TBCK: variants seen among roughly 807,000 people sequenced by gnomAD.
TBCK encodes TBC1 domain containing kinase.
In TBCK, 99 loss-of-function variants were observed where a neutral mutation model predicts 113.4. The observed-to-expected ratio is 0.87, with a 90% CI of 0.74 to 1.03. The LOEUF is 1.03. Ranked by LOEUF, TBCK falls within the 50% of genes least tolerant of loss-of-function variation. TBCK has a pLI of 0.00. For synonymous variants in TBCK, 369 were observed against 370.8 expected (o/e 1.00, Z 0.05); for missense variants, 1,045 against 1,061.3 (o/e 0.98, Z 0.21).
chr4:106,097,011 ATAAG>A (rs1483183245), intron 24 of TBCK, among the ~76,000 whole-genome samples: 1 of 152,192 alleles, frequency 6.6e-6, no homozygotes, highest in Non-Finnish European at 1.5e-5. Context: ...ATAATCATAG[ATAAG>A]TATTAAGGTG....
intron 3 of TBCK, among the ~76,000 whole-genome samples, chr4:106,267,162 A>G (rs1270135041): frequency 2.0e-5 from 3 of 151,938 alleles, no homozygotes. Flanking sequence ...TTTTTCAGTA[A>G]TTATTGTTAC....
chr4:106,223,871 G>A (rs1453434466), intron 19 of TBCK, among the ~76,000 whole-genome samples: 1 of 152,058 alleles, frequency 6.6e-6, no homozygotes, highest in Non-Finnish European at 1.5e-5. Flanking sequence ...CTAATCAACA[G>A]ATTTCTTTCT....
chr4:106,060,612 T>C (rs534124599), intron 25 of TBCK, among the ~76,000 whole-genome samples: 1 of 151,976 alleles, frequency 6.6e-6, no homozygotes, highest in South Asian at 2.1e-4. Context: ...TACAAAGAGA[T>C]GAATGTTGTC....
At chr4:106,219,459 T>C (rs560434022) in intron 19 of TBCK, among the ~76,000 whole-genome samples, 4 of 151,582 alleles carry the variant, frequency 2.6e-5, no homozygotes, top group African/African-American at 9.7e-5. Flanking sequence ...AATCAGAAAG[T>C]AGAGATACGG....
intron 19 of TBCK, among the ~76,000 whole-genome samples, chr4:106,220,395 C>G (rs574605836): frequency 6.6e-6 from 1 of 152,128 alleles, no homozygotes; most frequent in Non-Finnish European, 1.5e-5. Flanking sequence ...AATGTAAGTC[C>G]AATTAAACCT....
intron 12 of TBCK, among the ~76,000 whole-genome samples, chr4:106,237,899 TG>T (rs1759653119): frequency 6.6e-6 from 1 of 152,138 alleles, no homozygotes; most frequent in Admixed American, 6.6e-5. Flanking sequence ...TTAAGTATCT[TG>T]TCTGTCTTTT....
chr4:106,273,149 A>T (rs1049146691), intron 3 of TBCK, among the ~76,000 whole-genome samples: 3 of 152,248 alleles, frequency 2.0e-5, no homozygotes, highest in Admixed American at 2.0e-4. Context: ...ATGAAAATTC[A>T]ACCCTTGGCT....
intron 25 of TBCK, among the ~76,000 whole-genome samples, chr4:106,048,559 T>C (rs1452444560): frequency 6.6e-6 from 1 of 152,138 alleles, no homozygotes; most frequent in Non-Finnish European, 1.5e-5. Context: ...GCCTGAGTCA[T>C]GTGCAGGCAG....
chr4:106,224,017 T>C (rs1176386519), intron 19 of TBCK, among the ~76,000 whole-genome samples: 1 of 152,182 alleles, frequency 6.6e-6, no homozygotes, highest in East Asian at 1.9e-4. Context: ...TTCCCATGTA[T>C]TGATAGTTTG....
chr4:106,129,624 G>A (rs1019881610), intron 23 of TBCK, among the ~76,000 whole-genome samples: 1 of 152,082 alleles, frequency 6.6e-6, no homozygotes, highest in African/African-American at 2.4e-5. Flanking sequence ...TCAAAAAAAA[G>A]GGGAGATATA....
At chr4:106,170,115 TA>T (rs1349482470) in intron 23 of TBCK, among the ~76,000 whole-genome samples, 2 of 152,074 alleles carry the variant, frequency 1.3e-5, no homozygotes, top group East Asian at 3.9e-4. Flanking sequence ...GAACAACATT[TA>T]CCATTTACTG....
intron 20 of TBCK, 99 bp downstream of exon 20, chr4:106,212,651 C>G: frequency 1.3e-6 from 1 of 788,630 alleles, no homozygotes; most frequent in Non-Finnish European, 2.1e-6. Flanking sequence ...TTCAGATATG[C>G]ACTATGACAA....
Position 106,281,706 on chromosome 4 carries a change from T to A in TBCK, c.266+13388A>T, listed in dbSNP as rs372639618. Among the ~76,000 whole-genome samples the A allele has an allele frequency of 6.2e-4, 95 of 152,286 alleles. 2 individuals are homozygous for A. The South Asian group carries it at 0.015, about 24-fold the overall frequency. On this transcript the variant is annotated intron_variant, in intron 3 of 25. Coordinates refer to ENST00000394708, the MANE Select transcript of TBCK (RefSeq NM_001163435.3). ...TTTGTCCTTCATTCTGTTGATATTA[T>A]GCATCATGTTAATTGATTTGCGTAT...
intron 22 of TBCK, among the ~76,000 whole-genome samples, chr4:106,177,077 AT>A (rs372304409): frequency 7.9e-5 from 12 of 151,868 alleles, no homozygotes; most frequent in African/African-American, 2.9e-4. Context: ...GGCTCAAGTG[AT>A]CTTATATCAC....
At chr4:106,077,134 T>G (rs147220955) in intron 25 of TBCK, among the ~76,000 whole-genome samples, 13 of 152,100 alleles carry the variant, frequency 8.5e-5, no homozygotes, top group African/African-American at 2.9e-4. Context: ...GGGAATCTGA[T>G]AGCAGTAGAC....
intron 6 of TBCK, chr4:106,251,303 A>C (rs1312627892): frequency 1.9e-5 from 3 of 154,858 alleles, no homozygotes; most frequent in African/African-American, 7.2e-5. Context: ...CTCTTATCAT[A>C]AACAAATTAA....
At chr4:106,256,668 C>T (rs1268724061) in intron 5 of TBCK, among the ~76,000 whole-genome samples, 12 of 152,172 alleles carry the variant, frequency 7.9e-5, no homozygotes, top group East Asian at 5.8e-4. Flanking sequence ...CAACTGTGCC[C>T]GGGAACGTGG....
At chr4:106,055,528 T>C (rs1735284031) in intron 25 of TBCK, among the ~76,000 whole-genome samples, 1 of 149,030 alleles carries the variant, frequency 6.7e-6, no homozygotes, top group South Asian at 2.1e-4. Flanking sequence ...ACTTCATAGT[T>C]TGGTTTGTTG....
upstream of TBCK, chr4:106,316,608 T>C (rs1224008437): frequency 3.2e-6 from 5 of 1,550,868 alleles, no homozygotes; most frequent in Non-Finnish European, 4.4e-6. Flanking sequence ...AGTGACGTCG[T>C]GGCGGGTCAC....
Sources: gnomAD v4.1 joint callset for allele counts (sites outside exome capture counted in the v4.1 genomes callset) on GRCh38, gnomAD v4.1.1 for gene constraint, MANE v1.5 for transcripts, NCBI Gene and HGNC (gene_info 2026-07-23, HGNC 2026-07-21) for gene names.